C5orf24: variants seen among roughly 807,000 people sequenced by gnomAD.
C5orf24 encodes UPF0461 protein C5orf24.
A neutral mutation model predicts 9.8 loss-of-function variants in C5orf24; 4 were observed. The observed-to-expected ratio is 0.41, with a 90% CI of 0.20 to 0.93. C5orf24 has a LOEUF of 0.93. Among genes scored for constraint, C5orf24 ranks in the 40% least tolerant of loss-of-function variants. The pLI, the probability that C5orf24 is intolerant of heterozygous loss-of-function variation, is 0.33. For missense variants in C5orf24, 170 were observed against 236.9 expected (o/e 0.72, Z 1.85); for synonymous variants, 73 against 81.3 (o/e 0.90, Z 0.55).
intron 1 of C5orf24, chr5:134,846,987 G>A (rs1756014371): frequency 6.6e-6 from 1 of 152,130 alleles, no homozygotes; most frequent in African/African-American, 2.4e-5. Flanking sequence ...ACAGAACTTG[G>A]GTTTCTTGAA....
the C5orf24 span, among the ~76,000 whole-genome samples, chr5:134,835,456 C>A: frequency 6.6e-6 from 1 of 151,968 alleles, no homozygotes; most frequent in Non-Finnish European, 1.5e-5. Flanking sequence ...GTCAGCCTGG[C>A]CAACATGGTG....
At chr5:134,841,289 T>C (rs1755890276), upstream of C5orf24, among the ~76,000 whole-genome samples, 1 of 152,142 alleles carries the variant, frequency 6.6e-6, no homozygotes, top group Non-Finnish European at 1.5e-5. Context: ...GTGATTTCTT[T>C]TTTTTTTTAA....
In C5orf24 at chr5:134,856,971, A is replaced by G. The variant is rs144737830; in HGVS notation, c.*1504A>G. 4.3e-4 allele frequency: 434 copies of G among 1,005,452 alleles called. No individual in the cohort carries two copies. The African/African-American group carries it at 7.0e-3, about 16-fold the overall frequency. 62.3% of individuals were successfully genotyped at this position (1,005,452 alleles called of 1,614,324 possible). A position where few individuals can be genotyped will look rare whatever the true frequency, so the allele number is the denominator to read the frequency against. ...CCAGTGAGACCATCTCATCCAAAAG[A>G]TTTTTTTTCCCCCAATGATGTTTGC... On this transcript the variant is annotated 3_prime_UTR_variant, in exon 2 of 2. Transcript: ENST00000394976.
the C5orf24 span, among the ~76,000 whole-genome samples, chr5:134,836,695 C>T: frequency 6.6e-6 from 1 of 151,500 alleles, no homozygotes; most frequent in African/African-American, 2.4e-5. Flanking sequence ...AGGCACGTGC[C>T]ACCATGCCTG....
At chr5:134,843,620 G>A (rs569715445), upstream of C5orf24, among the ~76,000 whole-genome samples, 1 of 152,036 alleles carries the variant, frequency 6.6e-6, no homozygotes, top group African/African-American at 2.4e-5. Context: ...GCAGTGGCAC[G>A]ATCTCAACTG....
the C5orf24 span, among the ~76,000 whole-genome samples, chr5:134,834,991 C>A: frequency 1.3e-5 from 2 of 152,090 alleles, no homozygotes; most frequent in South Asian, 4.2e-4. Context: ...TTGCAGTGAG[C>A]CAAGATTGCG....
In C5orf24 at chr5:134,848,020, ATGTGGCTTGGGACCGGTCGCGGTGGC is replaced by A. The variant is rs538132622; in HGVS notation, c.-4+1815_-4+1840del. ...GCCGGACCATTCTGACTCTTAAGAA[ATGTGGCTTGGGACCGGTCGCGGTGGC>A]TGTGGCCTGTAATCCCAGCACTTAG... On this transcript the variant is annotated intron_variant, in intron 1 of 1. Coordinates refer to ENST00000394976, the MANE Select transcript of C5orf24 (RefSeq NM_001135586.1). Among the ~76,000 whole-genome samples the A allele has an allele frequency of 1.2e-3, 177 of 151,924 alleles. 2 individuals carry two copies. The highest frequency in any genetic ancestry group is 4.1e-3 in the African/African-American group (170 of 41,484).
At chr5:134,850,575 C>T (rs1174646623) in intron 1 of C5orf24, among the ~76,000 whole-genome samples, 4 of 151,428 alleles carry the variant, frequency 2.6e-5, no homozygotes, top group African/African-American at 4.9e-5. Context: ...TGGGTTCAAG[C>T]GACACTCCTG....
the C5orf24 span, among the ~76,000 whole-genome samples, chr5:134,835,170 C>T: frequency 4.9e-4 from 75 of 152,258 alleles, no homozygotes; most frequent in South Asian, 2.5e-3. Flanking sequence ...CACGCCAGTG[C>T]ACTCCGGCCT....
Position 134,857,208 on chromosome 5 carries a change from G to T in C5orf24, c.*1741G>T. The T allele has an allele frequency of 6.3e-6, 8 of 1,279,576 alleles. No homozygotes were observed. Among genetic ancestry groups the T allele is most frequent in the East Asian group, 6.0e-5 (2 of 33,076 alleles). 79.3% of individuals were successfully genotyped at this position (1,279,576 alleles called of 1,614,324 possible). A position where few individuals can be genotyped will look rare whatever the true frequency, so the allele number is the denominator to read the frequency against. ...AATGTTTGTATTTGGGATTTTAAATGCCTTTGAGATTAAAATGTAGAATTG... is the reference window on the plus strand; with the variant it reads ...AATGTTTGTATTTGGGATTTTAAATTCCTTTGAGATTAAAATGTAGAATTG... On this transcript the variant is annotated 3_prime_UTR_variant, in exon 2 of 2. Coordinates refer to ENST00000394976, the MANE Select transcript of C5orf24 (RefSeq NM_001135586.1).
the C5orf24 span, among the ~76,000 whole-genome samples, chr5:134,836,831 C>A: frequency 1.3e-5 from 2 of 151,970 alleles, no homozygotes; most frequent in African/African-American, 4.8e-5. Context: ...CATGAGCCAC[C>A]CCTCCCAGCC....
At chr5:134,852,087 C>T (rs546635282) in intron 1 of C5orf24, among the ~76,000 whole-genome samples, 18 of 152,334 alleles carry the variant, frequency 1.2e-4, no homozygotes, top group Non-Finnish European at 2.5e-4. Flanking sequence ...ACTACAGGCA[C>T]GTGCCATCAC....
At chr5:134,853,164 C>CA (rs995968461) in intron 1 of C5orf24, among the ~76,000 whole-genome samples, 26 of 140,644 alleles carry the variant, frequency 1.8e-4, no homozygotes, top group East Asian at 6.1e-4. Context: ...GACTCAGTCT[C>CA]AAAAAAAAAT....
chr5:134,857,067 C>T lies in C5orf24; in HGVS notation c.*1600C>T, dbSNP rs1366407110. On this transcript the variant is annotated 3_prime_UTR_variant, in exon 2 of 2. Transcript: ENST00000394976. ...ATAGTAGGGACAGAGGGAAATCTTT[C>T]TTCTTTCCTTTCTGAAAGTAATACT... The T allele has an allele frequency of 9.8e-6, 11 of 1,126,368 alleles. No individual in the cohort carries two copies. The highest frequency in any genetic ancestry group is 1.1e-5 in the Non-Finnish European group (10 of 907,576). The allele number at this position is 1,126,368 out of a possible 1,614,324, so 69.8% of individuals were successfully genotyped here. A position where few individuals can be genotyped will look rare whatever the true frequency, so the allele number is the denominator to read the frequency against.
chr5:134,839,965 G>A, the C5orf24 span, among the ~76,000 whole-genome samples: 196 of 152,220 alleles, frequency 1.3e-3, 1 homozygote, highest in African/African-American at 4.5e-3. Flanking sequence ...CAAAGTGCTG[G>A]GATTGCAGGC....
chr5:134,844,073 T>C (rs1489948470), upstream of C5orf24, among the ~76,000 whole-genome samples: 1 of 152,210 alleles, frequency 6.6e-6, no homozygotes, highest in Non-Finnish European at 1.5e-5. Flanking sequence ...TTACTTGACT[T>C]TTTTAGAATG....
At position 134,856,266 on chromosome 5, in the gene C5orf24, AT is replaced by A. The variant is rs1207137761; in HGVS notation, c.*800del. Reference sequence around the variant, plus strand: ...TTCTGAGGATAGCATATTTCATATAATAGAAAAAGAAGCATTCTCTAGGTTT... The same window carrying A: ...TTCTGAGGATAGCATATTTCATATAAAGAAAAAGAAGCATTCTCTAGGTTT... On this transcript the variant is annotated 3_prime_UTR_variant, in exon 2 of 2. Coordinates refer to ENST00000394976, the MANE Select transcript of C5orf24 (RefSeq NM_001135586.1). 2.0e-6 allele frequency: 2 copies of A among 993,832 alleles called. No individual in the cohort carries two copies. The highest frequency in any genetic ancestry group is 3.5e-5 in the African/African-American group (2 of 57,106). The allele number at this position is 993,832 out of a possible 1,614,324, so 61.6% of individuals were successfully genotyped here.
Position 134,855,230 on chromosome 5 carries a change from G to A in C5orf24, c.330G>A (p.Leu110=). 6.2e-7 allele frequency: 1 copy of A among 1,614,112 alleles called. No homozygotes were observed. The highest frequency in any genetic ancestry group is 8.5e-7 in the Non-Finnish European group (1 of 1,180,016). ...ACCGGACCAGCACAGGCAGACCCCT[G>A]GGAACCACCAAAGCAGCTGGATTTA... is the stretch of plus-strand genomic sequence containing the variant. ...AGYRTSTGRP[L]GTTKAAGFKT... Residue 110 remains leucine, a synonymous_variant, in exon 2 of 2, where the codon CTG becomes CTA. Coordinates refer to ENST00000394976, the MANE Select transcript of C5orf24 (RefSeq NM_001135586.1).
chr5:134,851,986 G>C (rs996056968), intron 1 of C5orf24, among the ~76,000 whole-genome samples: 5 of 152,166 alleles, frequency 3.3e-5, no homozygotes, highest in African/African-American at 4.8e-5. Flanking sequence ...TGTCACTCAG[G>C]CTGGAGTGCA....
Sources: gnomAD v4.1 joint callset for allele counts (sites outside exome capture counted in the v4.1 genomes callset) on GRCh38, gnomAD v4.1.1 for gene constraint, MANE v1.5 for transcripts, NCBI Gene and HGNC (gene_info 2026-07-23, HGNC 2026-07-21) for gene names.